PRKCE: variants seen among roughly 807,000 people sequenced by gnomAD.
PRKCE encodes protein kinase C epsilon type.
A neutral mutation model predicts 85.4 loss-of-function variants in PRKCE; 16 were observed. The ratio of observed to expected loss-of-function variants is 0.19; its 90% CI spans 0.13 to 0.28. PRKCE has a LOEUF of 0.28. Among genes scored for constraint, PRKCE ranks in the 10% least tolerant of loss-of-function variants. PRKCE has a pLI of 1.00. For missense variants in PRKCE, 573 were observed against 975.2 expected, an observed-to-expected ratio of 0.59 and a Z score of 5.49; for synonymous variants, 388 against 371.5, an observed-to-expected ratio of 1.04 and a Z score of -0.51.
chr2:46,025,090 T>G (rs973247830), intron 10 of PRKCE, among the ~76,000 whole-genome samples: 1 of 151,988 alleles, frequency 6.6e-6, no homozygotes, highest in African/African-American at 2.4e-5. Flanking sequence ...AAAAAACAAA[T>G]GTAGGTGTGA....
chr2:46,011,024 T>A, intron 10 of PRKCE: 2 of 1,152,666 alleles, frequency 1.7e-6, no homozygotes, highest in Non-Finnish European at 2.2e-6. Context: ...CGCATAGGTG[T>A]CTGGGAACCA....
Position 46,185,138 on chromosome 2 carries a change from T to G in PRKCE, c.*257T>G. 1 of 432,198 alleles carries G rather than the reference T, an allele frequency of 2.3e-6. No homozygotes were observed. The highest frequency in any genetic ancestry group is 4.1e-6 in the Non-Finnish European group (1 of 244,090). 26.8% of individuals were successfully genotyped at this position (432,198 alleles called of 1,614,324 possible). ...CAGCAATTAGCTGTATACACTGCCG[T>G]GTTTGGACCATTGGCAAGCCTGGTT... On this transcript the variant is annotated 3_prime_UTR_variant, in exon 15 of 15. Coordinates refer to ENST00000306156, the MANE Select transcript of PRKCE (RefSeq NM_005400.3). The surrounding 1 kb of genome is among the most constrained non-coding windows in gnomAD (Gnocchi z 4.7).
At chr2:45,869,957 C>T (rs1016674577) in intron 2 of PRKCE, among the ~76,000 whole-genome samples, 36 of 152,106 alleles carry the variant, frequency 2.4e-4, no homozygotes, top group Admixed American at 4.6e-4. Context: ...CTGTCCACCT[C>T]GGCCTCCCAA....
At chr2:46,074,429 C>CAAAAAAAAAAAAAA (rs11287357) in intron 10 of PRKCE, among the ~76,000 whole-genome samples, 16 of 93,848 alleles carry the variant, frequency 1.7e-4, no homozygotes, top group African/African-American at 2.5e-4. Flanking sequence ...CAACAACAAC[C>CAAAAAAAAAAAAAA]AAAAAAAAAA....
chr2:45,792,779 T>A lies in PRKCE; in HGVS notation c.349-50221T>A, dbSNP rs370607563. ...GCATCCATTTTGTCGTGAGCACTGATAAATGGTAGGTGGTATAATTAATTA... is the reference window on the plus strand; with the variant it reads ...GCATCCATTTTGTCGTGAGCACTGAAAAATGGTAGGTGGTATAATTAATTA... On this transcript the variant is annotated intron_variant, in intron 1 of 14. Transcript: ENST00000306156. Among the ~76,000 whole-genome samples the A allele has an allele frequency of 2.3e-4, 35 of 152,316 alleles. No homozygotes were observed. In the East Asian group the frequency reaches 2.9e-3, roughly 13 times the overall value.
Position 46,130,428 on chromosome 2 carries a change from T to C in PRKCE, c.1593-14665T>C, listed in dbSNP as rs1674313667. Among the ~76,000 whole-genome samples the C allele has an allele frequency of 2.0e-5, 3 of 152,174 alleles. No homozygotes were observed. The South Asian group carries it at 6.2e-4, about 31-fold the overall frequency. On this transcript the variant is annotated intron_variant, in intron 11 of 14. Transcript: ENST00000306156. ...TATGATTAATATAACATGACATAGA[T>C]ATATAGAAACGTTGAGAGTTACATG...
chr2:46,138,494 C>T lies in PRKCE; in HGVS notation c.1593-6599C>T, dbSNP rs916106261. Among the ~76,000 whole-genome samples the T allele has an allele frequency of 2.0e-5, 3 of 152,122 alleles. No homozygotes were observed. Among genetic ancestry groups the T allele is most frequent in the African/African-American group, 7.2e-5 (3 of 41,436 alleles). Reference sequence around the variant, plus strand: ...AGCAGGGTTGGTAGAGTCAGGATTCCCATCTCCTAGGAATAAAATGGCAGA... The same window carrying T: ...AGCAGGGTTGGTAGAGTCAGGATTCTCATCTCCTAGGAATAAAATGGCAGA... On this transcript the variant is annotated intron_variant, in intron 11 of 14. Coordinates refer to ENST00000306156, the MANE Select transcript of PRKCE (RefSeq NM_005400.3). This position sits in a 1 kb window ranked among gnomAD's most constrained non-coding sequence, Gnocchi z 4.2.
rs114782700 is a variant in PRKCE, at chr2:46,116,545, T to C, written c.1593-28548T>C. ...TCAGAAGGCTGGGTTACCGTGAGTATGTGCTCCCCACCTCTACTGTCCGCC... is the reference window on the plus strand; with the variant it reads ...TCAGAAGGCTGGGTTACCGTGAGTACGTGCTCCCCACCTCTACTGTCCGCC... On this transcript the variant is annotated intron_variant, in intron 11 of 14. Transcript: ENST00000306156. Among the ~76,000 whole-genome samples, 898 of 152,332 alleles carry C rather than the reference T, an allele frequency of 5.9e-3. 13 individuals are homozygous for C. The highest frequency in any genetic ancestry group is 0.021 in the African/African-American group (855 of 41,570).
At chr2:46,071,580 G>A (rs545467113) in intron 10 of PRKCE, among the ~76,000 whole-genome samples, 1 of 152,284 alleles carries the variant, frequency 6.6e-6, no homozygotes, top group African/African-American at 2.4e-5. Context: ...CCACACCAAT[G>A]AGAATGAAGG....
chr2:45,760,301 GT>G (rs1306221717), intron 1 of PRKCE, among the ~76,000 whole-genome samples: 1 of 152,174 alleles, frequency 6.6e-6, no homozygotes, highest in African/African-American at 2.4e-5. Context: ...GGCTAGTATG[GT>G]TGCTCCAGTT....
At chr2:46,066,617 ATC>A (rs1489226713) in intron 10 of PRKCE, among the ~76,000 whole-genome samples, 1 of 152,252 alleles carries the variant, frequency 6.6e-6, no homozygotes, top group African/African-American at 2.4e-5. Context: ...TTGTCTGTAT[ATC>A]TCGTAAATTT....
At chr2:46,061,530 G>C (rs1194196709) in intron 10 of PRKCE, among the ~76,000 whole-genome samples, 3 of 152,172 alleles carry the variant, frequency 2.0e-5, no homozygotes, top group Non-Finnish European at 2.9e-5. Context: ...CAATGACCTA[G>C]AGCAGTCATT....
chr2:45,827,958 C>G (rs1245962893), intron 1 of PRKCE, among the ~76,000 whole-genome samples: 2 of 151,872 alleles, frequency 1.3e-5, no homozygotes, highest in African/African-American at 4.8e-5. Context: ...TTTTTCCTGT[C>G]TTATAAAGAA....
At chr2:45,852,176 A>T (rs1015523229) in intron 2 of PRKCE, 1 of 152,258 alleles carries the variant, frequency 6.6e-6, no homozygotes. Context: ...AGGGCAAGTC[A>T]GCTGCCGATG....
intron 1 of PRKCE, among the ~76,000 whole-genome samples, chr2:45,656,943 G>A (rs1675406494): frequency 6.6e-6 from 1 of 152,186 alleles, no homozygotes; most frequent in Admixed American, 6.5e-5. Flanking sequence ...AGAAGTATTG[G>A]GATTCATGTT....
chr2:46,170,717 G>C (rs935774253), intron 14 of PRKCE, among the ~76,000 whole-genome samples: 1 of 152,188 alleles, frequency 6.6e-6, no homozygotes, highest in Non-Finnish European at 1.5e-5. Context: ...TAGGAAACTT[G>C]AAATTATTGT....
chr2:45,693,493 G>A (rs1012290352), intron 1 of PRKCE, among the ~76,000 whole-genome samples: 1 of 152,184 alleles, frequency 6.6e-6, no homozygotes, highest in Non-Finnish European at 1.5e-5. Context: ...GGAATGCCCC[G>A]AGGCATGGGT....
At position 46,004,443 on chromosome 2, in the gene PRKCE, A is replaced by C; in HGVS notation, c.967-99A>C. ...CTACTGAATTCCTGCTGCTCTGGGA[A>C]CTCTCATGGCTCTTATACGGCATCT... On this transcript the variant is annotated intron_variant, in intron 7 of 14. Coordinates refer to ENST00000306156, the MANE Select transcript of PRKCE (RefSeq NM_005400.3). The surrounding 1 kb of genome is among the most constrained non-coding windows in gnomAD (Gnocchi z 4.1). The C allele has an allele frequency of 1.0e-6, 1 of 962,550 alleles. No individual in the cohort carries two copies. The highest frequency in any genetic ancestry group is 1.6e-6 in the Non-Finnish European group (1 of 632,338). The allele number at this position is 962,550 out of a possible 1,614,324, so 59.6% of individuals were successfully genotyped here. A position where few individuals can be genotyped will look rare whatever the true frequency, so the allele number is the denominator to read the frequency against.
intron 2 of PRKCE, among the ~76,000 whole-genome samples, chr2:45,933,259 G>A (rs1047947455): frequency 1.1e-4 from 17 of 152,258 alleles, no homozygotes; most frequent in Non-Finnish European, 2.2e-4. Flanking sequence ...GTACCTTCTT[G>A]TCTGTGGCTT....
Sources: gnomAD v4.1 joint callset for allele counts (sites outside exome capture counted in the v4.1 genomes callset) on GRCh38, gnomAD v4.1.1 for gene constraint, Gnocchi (gnomAD v3.1) non-coding constraint, MANE v1.5 for transcripts, NCBI Gene and HGNC (gene_info 2026-07-23, HGNC 2026-07-21) for gene names.